The following GCN1 variants were observed in gnomAD, a reference collection of about 807,000 sequenced individuals.
GCN1 encodes stalled ribosome sensor GCN1.
A neutral mutation model predicts 288.4 loss-of-function variants in GCN1; 90 were observed. The ratio of observed to expected loss-of-function variants is 0.31; its 90% CI spans 0.26 to 0.37. GCN1 has a LOEUF of 0.37. Among genes scored for constraint, GCN1 ranks in the 10% least tolerant of loss-of-function variants. The probability of loss-of-function intolerance (pLI) is 1.00; values close to 1 mark genes in which losing one functional copy is unlikely to be tolerated. For synonymous variants in GCN1, 1,386 were observed against 1,420.2 expected, an observed-to-expected ratio of 0.98 and a Z score of 0.54; for missense variants, 2,586 against 3,419.9, an observed-to-expected ratio of 0.76 and a Z score of 6.08.
At position 120,163,274 on chromosome 12, in the gene GCN1, A is replaced by C; in HGVS notation, c.1849-15T>G. 1 of 1,605,684 alleles carries C rather than the reference A, an allele frequency of 6.2e-7. No individual in the cohort carries two copies. Among genetic ancestry groups the C allele is most frequent in the South Asian group, 1.1e-5 (1 of 90,910 alleles). On this transcript the variant is annotated splice_polypyrimidine_tract_variant and intron_variant, in intron 18 of 57. Coordinates refer to ENST00000300648, the MANE Select transcript of GCN1 (RefSeq NM_006836.2). Reference sequence around the variant, plus strand: ...AAGGGCAGCACCTGTGTGGAGACACATGAGATAATACTGCTAAGAGCCCTG... The same window carrying C: ...AAGGGCAGCACCTGTGTGGAGACACCTGAGATAATACTGCTAAGAGCCCTG...
In GCN1 at chr12:120,153,939, G is replaced by C. The variant is rs1429635287; in HGVS notation, c.3702-30C>G. On this transcript the variant is annotated intron_variant, in intron 31 of 57. Coordinates refer to ENST00000300648, the MANE Select transcript of GCN1 (RefSeq NM_006836.2). This position sits in a 1 kb window ranked among gnomAD's most constrained non-coding sequence, Gnocchi z 4.4. Reference sequence around the variant, plus strand: ...GAAAGAAGTGGGAGCACATCAGGAGGGGCAGTCAGGGGGCCTCCTCTGCCA... The same window carrying C: ...GAAAGAAGTGGGAGCACATCAGGAGCGGCAGTCAGGGGGCCTCCTCTGCCA... 1 of 1,595,296 alleles carries C rather than the reference G, an allele frequency of 6.3e-7. No individual in the cohort carries two copies. Among genetic ancestry groups the C allele is most frequent in the East Asian group, 2.2e-5 (1 of 44,752 alleles).
intron 36 of GCN1, 57 bp downstream of exon 36, chr12:120,149,549 C>T: frequency 8.1e-7 from 1 of 1,233,432 alleles, no homozygotes; most frequent in Non-Finnish European, 1.2e-6. Flanking sequence ...AGGATCCTTG[C>T]TGAGGCTGGT....
intron 22 of GCN1, among the ~76,000 whole-genome samples, chr12:120,161,253 T>C (rs1301359168): frequency 6.6e-6 from 1 of 152,152 alleles, no homozygotes; most frequent in Non-Finnish European, 1.5e-5. Context: ...ACACGTGCAC[T>C]GTCGCCAGCA....
intron 16 of GCN1, among the ~76,000 whole-genome samples, chr12:120,167,706 TC>T (rs1228941804): frequency 6.6e-6 from 1 of 152,136 alleles, no homozygotes; most frequent in Non-Finnish European, 1.5e-5. Flanking sequence ...CAGTTGTAGC[TC>T]ATTAATGGGA....
intron 45 of GCN1, among the ~76,000 whole-genome samples, chr12:120,140,174 C>T (rs1386167148): frequency 6.6e-6 from 1 of 152,154 alleles, no homozygotes. Flanking sequence ...CAAGGATGCC[C>T]AAGCCAAGCA....
In GCN1 at chr12:120,156,394, A is replaced by C. The variant is rs1221040556; in HGVS notation, c.3312+67T>G. 1 of 1,464,488 alleles carries C rather than the reference A, an allele frequency of 6.8e-7. No homozygotes were observed. Among genetic ancestry groups the C allele is most frequent in the African/African-American group, 1.4e-5 (1 of 72,286 alleles). The allele number at this position is 1,464,488 out of a possible 1,614,324, so 90.7% of individuals were successfully genotyped here. On this transcript the variant is annotated intron_variant, in intron 28 of 57. Coordinates refer to ENST00000300648, the MANE Select transcript of GCN1 (RefSeq NM_006836.2). The surrounding 1 kb of genome is among the most constrained non-coding windows in gnomAD (Gnocchi z 5.8). ...GTGAGGGACATTCTCTCAAATGCCC[A>C]TCATGCAATTTGCACTTGCATAGAG...
rs1197894023 is a variant in GCN1, at chr12:120,177,936, C to T, written c.661-184G>A. On this transcript the variant is annotated intron_variant, in intron 7 of 57. Coordinates refer to ENST00000300648, the MANE Select transcript of GCN1 (RefSeq NM_006836.2). ...AAAACCCTTCCACAGCTTTCCATGGCCCCCGGGATAAAGTCCAAAGTCCTT... is the reference window on the plus strand; with the variant it reads ...AAAACCCTTCCACAGCTTTCCATGGTCCCCGGGATAAAGTCCAAAGTCCTT... 6 of 607,234 alleles carry T rather than the reference C, an allele frequency of 9.9e-6. No homozygotes were observed. The South Asian group carries it at 1.2e-4, about 12-fold the overall frequency. The allele number at this position is 607,234 out of a possible 1,614,324, so 37.6% of individuals were successfully genotyped here.
chr12:120,173,831 G>A lies in GCN1; in HGVS notation c.1193-5C>T. 6.2e-7 allele frequency: 1 copy of A among 1,611,126 alleles called. No individual in the cohort carries two copies. The highest frequency in any genetic ancestry group is 1.7e-4 in the Middle Eastern group (1 of 6,052). On this transcript the variant is annotated splice_region_variant and splice_polypyrimidine_tract_variant and intron_variant, in intron 13 of 57. Coordinates refer to ENST00000300648, the MANE Select transcript of GCN1 (RefSeq NM_006836.2). Reference sequence around the variant, plus strand: ...GTACCAAGGTCCCTTCATGAACTAGGGCAAAAAGCAGAAGTCCAGTCAGTC... The same window carrying A: ...GTACCAAGGTCCCTTCATGAACTAGAGCAAAAAGCAGAAGTCCAGTCAGTC...
rs1447493824 is a variant in GCN1, at chr12:120,175,163, T to A, written c.1092A>T (p.Ser364=). The A allele has an allele frequency of 6.7e-7, 1 of 1,497,056 alleles. No individual in the cohort carries two copies. Among genetic ancestry groups the A allele is most frequent in the Non-Finnish European group, 9.3e-7 (1 of 1,077,968 alleles). The allele number at this position is 1,497,056 out of a possible 1,614,324, so 92.7% of individuals were successfully genotyped here. The change falls in exon 12 of 58, where the codon TCA becomes TCT. Residue 364 remains serine, a splice_region_variant and synonymous_variant. Coordinates refer to ENST00000300648, the MANE Select transcript of GCN1 (RefSeq NM_006836.2). The part of the protein sequence containing the change: ...TVVAQKMSVL[S]GIGSVSHHVV... Reference sequence around the variant, plus strand: ...AAAAAAAAAAAAGAAATCCTATACCTGAGAGGACGCTCATCTTCTGGGCTA... The same window carrying A: ...AAAAAAAAAAAAGAAATCCTATACCAGAGAGGACGCTCATCTTCTGGGCTA...
rs56734169 is a variant in GCN1, at chr12:120,171,141, C to CAA, written c.1367-822_1367-821dup. Among the ~76,000 whole-genome samples, 300 of 88,430 alleles carry CAA rather than the reference C, an allele frequency of 3.4e-3. 1 individual carries two copies. The highest frequency in any genetic ancestry group is 7.8e-3 in the African/African-American group (202 of 26,038). The allele number at this position is 88,430 out of a possible 152,430, so 58.0% of individuals were successfully genotyped here. ...GGGTGACAGAACGAGACCCCATCTC[C>CAA]AAAAAAAAAAAAAAAAAGAGAAACC... On this transcript the variant is annotated intron_variant, in intron 14 of 57. Coordinates refer to ENST00000300648, the MANE Select transcript of GCN1 (RefSeq NM_006836.2).
rs1877728325 is a variant in GCN1 at position 120,155,806 on chromosome 12, G to T, written c.3313-87C>A. 4 of 1,326,984 alleles carry T rather than the reference G, an allele frequency of 3.0e-6. No homozygotes were observed. The highest frequency in any genetic ancestry group is 4.2e-6 in the Non-Finnish European group (4 of 943,386). The allele number at this position is 1,326,984 out of a possible 1,614,324, so 82.2% of individuals were successfully genotyped here. On this transcript the variant is annotated intron_variant, in intron 28 of 57. Transcript: ENST00000300648. This position sits in a 1 kb window ranked among gnomAD's most constrained non-coding sequence, Gnocchi z 4.9. ...TCCTCACCTCTCTCTAGGTTGTACT[G>T]TCCAAGATGTAGCCACTAACCGCAT... is the stretch of plus-strand genomic sequence containing the variant.
In GCN1 at chr12:120,153,670, G is replaced by A; in HGVS notation, c.3867+74C>T. 1 of 1,428,924 alleles carries A rather than the reference G, an allele frequency of 7.0e-7. No individual in the cohort carries two copies. The highest frequency in any genetic ancestry group is 1.2e-5 in the South Asian group (1 of 80,556). The allele number at this position is 1,428,924 out of a possible 1,614,324, so 88.5% of individuals were successfully genotyped here. Reference sequence around the variant, plus strand: ...TGGCCCCTGCTCAGCCCTAGCGCCTGCCTCCCGTGTCTCCTTAGCGGGCTG... The same window carrying A: ...TGGCCCCTGCTCAGCCCTAGCGCCTACCTCCCGTGTCTCCTTAGCGGGCTG... On this transcript the variant is annotated intron_variant, in intron 32 of 57. Coordinates refer to ENST00000300648, the MANE Select transcript of GCN1 (RefSeq NM_006836.2). The surrounding 1 kb of genome is among the most constrained non-coding windows in gnomAD (Gnocchi z 4.4).
intron 36 of GCN1, among the ~76,000 whole-genome samples, chr12:120,149,049 C>A (rs1326113314): frequency 2.6e-5 from 4 of 151,032 alleles, no homozygotes; most frequent in African/African-American, 9.8e-5. Context: ...TAAATTCCTG[C>A]CCTCAAGAGA....
chr12:120,127,468 C>T lies in GCN1; in HGVS notation c.*381G>A, dbSNP rs1039953681. ...AGAGATCCACCGTCTGTGCCCCACTCGGGATATAGGAAAAAGGTTGGTAGC... is the reference window on the plus strand; with the variant it reads ...AGAGATCCACCGTCTGTGCCCCACTTGGGATATAGGAAAAAGGTTGGTAGC... On this transcript the variant is annotated 3_prime_UTR_variant, in exon 58 of 58. Transcript: ENST00000300648. 8 of 201,526 alleles carry T rather than the reference C, an allele frequency of 4.0e-5. No homozygotes were observed. Among genetic ancestry groups the T allele is most frequent in the South Asian group, 1.7e-4 (2 of 11,672 alleles). The allele number at this position is 201,526 out of a possible 1,614,324, so 12.5% of individuals were successfully genotyped here.
rs1395693276 is a variant in GCN1, at chr12:120,138,038, T to C, written c.6256A>G (p.Thr2086Ala). 3 of 1,612,218 alleles carry C rather than the reference T, an allele frequency of 1.9e-6. No homozygotes were observed. The highest frequency in any genetic ancestry group is 1.7e-6 in the Non-Finnish European group (2 of 1,179,248). Residue 2086 changes from threonine (T) to alanine (A), a missense_variant, in exon 48 of 58, where the codon ACG becomes GCG. Around this residue, in one of 8 missense-constraint regions of GCN1, gnomAD observed 437 missense variants for 570.5 expected, o/e 0.77. Coordinates refer to ENST00000300648, the MANE Select transcript of GCN1 (RefSeq NM_006836.2). ...AGCACCCGGGTGTTGACAGGTGGCG[T>C]TGTCAGCTGGTGGAATGACAAACAT... ...VLPYLVPKLT[T>A]PPVNTRVLAF...
At chr12:120,164,106 C>T (rs1878023514) in intron 18 of GCN1, among the ~76,000 whole-genome samples, 1 of 152,010 alleles carries the variant, frequency 6.6e-6, no homozygotes, top group South Asian at 2.1e-4. Flanking sequence ...AAAACAAAAA[C>T]CCCAAAAACC....
intron 5 of GCN1, among the ~76,000 whole-genome samples, chr12:120,180,750 A>G (rs1878629746): frequency 6.6e-6 from 1 of 151,836 alleles, no homozygotes; most frequent in Admixed American, 6.6e-5. Context: ...GCACTTTGGG[A>G]GGCTGAGGCG....
intron 44 of GCN1, among the ~76,000 whole-genome samples, chr12:120,141,574 T>A (rs1246565652): frequency 6.6e-6 from 1 of 152,158 alleles, no homozygotes; most frequent in Non-Finnish European, 1.5e-5. Context: ...GCCAGCCTGA[T>A]CTCATGCCGC....
rs780358562 is a variant in GCN1 at position 120,178,636 on chromosome 12, T to C, written c.649A>G (p.Ser217Gly). 1 of 1,614,256 alleles carries C rather than the reference T, an allele frequency of 6.2e-7. No individual in the cohort carries two copies. Among genetic ancestry groups the C allele is most frequent in the African/African-American group, 1.3e-5 (1 of 75,072 alleles). Residue 217 changes from serine to glycine, a missense_variant, in exon 7 of 58, where the codon AGT (serine) becomes GGT (glycine). Physicochemically the swap from Ser to Gly is moderately conservative, Grantham distance 56. Transcript: ENST00000300648. Reference sequence around the variant, plus strand: ...GCCTTGGCACTTGCCTTGTGCTGACTGACCACGTCCATCTCCTTGTGACTC... The same window carrying C: ...GCCTTGGCACTTGCCTTGTGCTGACCGACCACGTCCATCTCCTTGTGACTC... ...CTSHKEMDVV[S>G]QHKSALLDFY...
Sources: gnomAD v4.1 joint callset for allele counts (sites outside exome capture counted in the v4.1 genomes callset) on GRCh38, gnomAD v4.1.1 for gene constraint, gnomAD v4.1.1 regional missense constraint, Gnocchi (gnomAD v3.1) non-coding constraint, MANE v1.5 for transcripts, NCBI Gene and HGNC (gene_info 2026-07-23, HGNC 2026-07-21) for gene names.